AHDC1: variants seen among roughly 807,000 people sequenced by gnomAD.
The protein encoded by AHDC1 is AT-hook DNA binding motif containing 1, also known as transcription factor Gibbin.
A neutral mutation model predicts 87.9 loss-of-function variants in AHDC1; 7 were observed. The ratio of observed to expected loss-of-function variants is 0.08; its 90% CI spans 0.05 to 0.15. The LOEUF (loss-of-function observed/expected upper bound fraction) is 0.15. Among genes scored for constraint, AHDC1 ranks in the 10% least tolerant of loss-of-function variants. AHDC1 has a pLI of 1.00. For synonymous variants in AHDC1, 1,051 were observed against 1,006.8 expected (o/e 1.04, Z -0.83); for missense variants, 1,841 against 2,253.2 (o/e 0.82, Z 3.70).
chr1:27,575,822 G>A (rs2088713742), intron 3 of AHDC1, among the ~76,000 whole-genome samples: 2 of 151,408 alleles, frequency 1.3e-5, no homozygotes, highest in South Asian at 4.2e-4. Flanking sequence ...GGAGCGGCCC[G>A]GCCTCGGTGT....
chr1:27,549,111 T>A lies in AHDC1; in HGVS notation c.3005A>T (p.Tyr1002Phe), dbSNP rs914917557. ...CANSKDCSFA[Y>F]GSGNSLPASP... is the part of the protein sequence containing the mutation. ...GGCAGGGAGGCTGTTGCCACTGCCA[T>A]AGGCGAAGCTGCAGTCCTTGCTGTT... Residue 1002 changes from tyrosine to phenylalanine, a missense_variant, in exon 8 of 9, where the codon TAT becomes TTT. Around this residue, in one of 13 missense-constraint regions of AHDC1, gnomAD observed 378 missense variants for 399.0 expected, o/e 0.95. Coordinates refer to ENST00000673934, the MANE Select transcript of AHDC1 (RefSeq NM_001371928.1). 1 of 1,552,664 alleles carries A rather than the reference T, an allele frequency of 6.4e-7. No individual in the cohort carries two copies. The highest frequency in any genetic ancestry group is 8.7e-7 in the Non-Finnish European group (1 of 1,147,826).
At chr1:27,585,590 G>T (rs984452951) in intron 3 of AHDC1, among the ~76,000 whole-genome samples, 1 of 152,182 alleles carries the variant, frequency 6.6e-6, no homozygotes, top group Non-Finnish European at 1.5e-5. Context: ...CAAAGCCCCT[G>T]TTCCAAACAG....
chr1:27,587,591 T>C (rs1471110280), intron 3 of AHDC1, among the ~76,000 whole-genome samples: 1 of 152,144 alleles, frequency 6.6e-6, no homozygotes, highest in Non-Finnish European at 1.5e-5. Flanking sequence ...AGGTGAAGAC[T>C]CACTCTCTGC....
Position 27,547,665 on chromosome 1 carries a change from C to T in AHDC1, c.4451G>A (p.Gly1484Asp). 1 of 1,595,740 alleles carries T rather than the reference C, an allele frequency of 6.3e-7. No homozygotes were observed. The highest frequency in any genetic ancestry group is 8.5e-7 in the Non-Finnish European group (1 of 1,170,464). Residue 1484 changes from glycine to aspartate, a missense_variant, in exon 8 of 9, where the codon GGT becomes GAT. Physicochemically the swap from Gly to Asp is moderately conservative, Grantham distance 94. Transcript: ENST00000673934. This position sits in a 1 kb window ranked among gnomAD's most constrained non-coding sequence, Gnocchi z 4.9. ...ARSPPYEGKVGTGLLADFLGR... is the reference protein window; with the variant it reads ...ARSPPYEGKVDTGLLADFLGR... ...CAGGAAGTCAGCCAGCAGCCCTGTA[C>T]CCACCTTGCCTTCATAGGGCGGGCT...
intron 8 of AHDC1, among the ~76,000 whole-genome samples, chr1:27,537,153 T>G (rs910238189): frequency 2.0e-5 from 3 of 151,984 alleles, no homozygotes; most frequent in African/African-American, 7.3e-5. Context: ...GGTTCTCTCA[T>G]GGAGGTGGGG....
In AHDC1 at chr1:27,551,963, G is replaced by A; in HGVS notation, c.153C>T (p.Ala51=). The change falls in exon 8 of 9, where the codon GCC becomes GCT. Residue 51 remains alanine, a synonymous_variant. Transcript: ENST00000673934. ...TCTCGGAGAAGGCGTGGGTGGAGAA[G>A]GCCTTGTCAGGTGGGCTGGCAGGGG... is the stretch of plus-strand genomic sequence containing the variant. The part of the protein sequence containing the change: ...TRPPASPPDK[A]FSTHAFSENP... 1.3e-6 allele frequency: 2 copies of A among 1,515,638 alleles called. No homozygotes were observed. The highest frequency in any genetic ancestry group is 1.8e-6 in the Non-Finnish European group (2 of 1,129,312). The allele number at this position is 1,515,638 out of a possible 1,614,324, so 93.9% of individuals were successfully genotyped here.
rs559320877 is a variant in AHDC1, at chr1:27,579,956, G to C, written c.-628-21073C>G. ...TGGTTCTAGACAGTGCTGCCCGCCAGGATCTAAAACCAGAGCCTAACATTG... is the reference window on the plus strand; with the variant it reads ...TGGTTCTAGACAGTGCTGCCCGCCACGATCTAAAACCAGAGCCTAACATTG... On this transcript the variant is annotated intron_variant, in intron 3 of 8. Coordinates refer to ENST00000673934, the MANE Select transcript of AHDC1 (RefSeq NM_001371928.1). Among the ~76,000 whole-genome samples, 3 of 152,324 alleles carry C rather than the reference G, an allele frequency of 2.0e-5. No homozygotes were observed. The South Asian group carries it at 6.2e-4, about 32-fold the overall frequency.
At chr1:27,581,851 T>C (rs1371829441) in intron 3 of AHDC1, among the ~76,000 whole-genome samples, 1 of 152,204 alleles carries the variant, frequency 6.6e-6, no homozygotes, top group Admixed American at 6.5e-5. Flanking sequence ...CTGGCTGTTC[T>C]CTCTCATCTG....
chr1:27,597,472 G>C (rs781734084), intron 3 of AHDC1, among the ~76,000 whole-genome samples: 1 of 152,102 alleles, frequency 6.6e-6, no homozygotes, highest in South Asian at 2.1e-4. Context: ...GAATGTGAGG[G>C]GGTGTTTCCC....
In AHDC1 at chr1:27,590,026, T is replaced by TCTTGGGCCC. The variant is rs1553165380; in HGVS notation, c.-629+13370_-629+13371insGGGCCCAAG. Among the ~76,000 whole-genome samples, 4 of 152,110 alleles carry TCTTGGGCCC rather than the reference T, an allele frequency of 2.6e-5. No individual in the cohort carries two copies. Among genetic ancestry groups the TCTTGGGCCC allele is most frequent in the Non-Finnish European group, 5.9e-5 (4 of 67,998 alleles). On this transcript the variant is annotated intron_variant, in intron 3 of 8. Coordinates refer to ENST00000673934, the MANE Select transcript of AHDC1 (RefSeq NM_001371928.1). This position sits in a 1 kb window ranked among gnomAD's most constrained non-coding sequence, Gnocchi z 5.4. Reference sequence around the variant, plus strand: ...CATGTGACTGGGCCTTAGAGGCCTGTCCTGGGCCCCCTGCCCCACCCACTG... The same window carrying TCTTGGGCCC: ...CATGTGACTGGGCCTTAGAGGCCTGTCTTGGGCCCCCTGGGCCCCCTGCCCCACCCACTG...
chr1:27,564,662 C>T (rs960367095), intron 3 of AHDC1, among the ~76,000 whole-genome samples: 1 of 152,154 alleles, frequency 6.6e-6, no homozygotes, highest in Non-Finnish European at 1.5e-5. Flanking sequence ...TGGAGGGGGA[C>T]AGGGGAGATG....
rs1427364190 is a variant in AHDC1 at position 27,563,031 on chromosome 1, C to T, written c.-628-4148G>A. 6.6e-6 allele frequency among the ~76,000 whole-genome samples: 1 copy of T among 152,116 alleles called. No homozygotes were observed. The highest frequency in any genetic ancestry group is 1.5e-5 in the Non-Finnish European group (1 of 68,012). ...CAGCATGGGGCAGGCGTCTGTTACC[C>T]CTCACAGTGGCATAACTGACACGCA... On this transcript the variant is annotated intron_variant, in intron 3 of 8. Coordinates refer to ENST00000673934, the MANE Select transcript of AHDC1 (RefSeq NM_001371928.1). The surrounding 1 kb of genome is among the most constrained non-coding windows in gnomAD (Gnocchi z 6.1).
At chr1:27,537,904 T>C (rs982927405) in intron 8 of AHDC1, among the ~76,000 whole-genome samples, 12 of 152,166 alleles carry the variant, frequency 7.9e-5, no homozygotes, top group African/African-American at 2.9e-4. Context: ...GCAGAGCACA[T>C]ATAAATCAGG....
rs1469008633 is a variant in AHDC1 at position 27,598,704 on chromosome 1, G to A, written c.-629+4693C>T. 6.6e-6 allele frequency among the ~76,000 whole-genome samples: 1 copy of A among 152,184 alleles called. No homozygotes were observed. The highest frequency in any genetic ancestry group is 2.4e-5 in the African/African-American group (1 of 41,434). ...TGTCACCCCCACAACAGTGGAGGCT[G>A]GTTTTGGCCATGTAGTGACCCTGGC... On this transcript the variant is annotated intron_variant, in intron 3 of 8. Transcript: ENST00000673934. This position sits in a 1 kb window ranked among gnomAD's most constrained non-coding sequence, Gnocchi z 4.2.
intron 3 of AHDC1, among the ~76,000 whole-genome samples, chr1:27,587,662 C>T (rs2089099009): frequency 6.6e-6 from 1 of 152,170 alleles, no homozygotes; most frequent in Admixed American, 6.5e-5. Flanking sequence ...GTCTGGGCCC[C>T]AGCAGCTGGC....
intron 3 of AHDC1, among the ~76,000 whole-genome samples, chr1:27,600,683 T>A (rs1247426292): frequency 6.6e-6 from 1 of 152,096 alleles, no homozygotes; most frequent in Non-Finnish European, 1.5e-5. Flanking sequence ...CCTACCCAAA[T>A]GTCTTCTGCC....
intron 3 of AHDC1, among the ~76,000 whole-genome samples, chr1:27,601,841 C>T (rs1050959959): frequency 3.9e-5 from 6 of 152,168 alleles, no homozygotes; most frequent in African/African-American, 1.4e-4. Context: ...TGCCCAGGCC[C>T]GGGCACATGC....
chr1:27,563,180 A>T lies in AHDC1; in HGVS notation c.-628-4297T>A, dbSNP rs2020173422. 6.6e-6 allele frequency among the ~76,000 whole-genome samples: 1 copy of T among 151,020 alleles called. No homozygotes were observed. The highest frequency in any genetic ancestry group is 2.4e-5 in the African/African-American group (1 of 40,940). ...AAAGAACCTGTCACATAGTTGACCAAGACACACACACATGCACACACACAC... is the reference window on the plus strand; with the variant it reads ...AAAGAACCTGTCACATAGTTGACCATGACACACACACATGCACACACACAC... On this transcript the variant is annotated intron_variant, in intron 3 of 8. Transcript: ENST00000673934. This position sits in a 1 kb window ranked among gnomAD's most constrained non-coding sequence, Gnocchi z 6.1.
chr1:27,582,613 T>C (rs967669057), intron 3 of AHDC1, among the ~76,000 whole-genome samples: 1 of 152,260 alleles, frequency 6.6e-6, no homozygotes, highest in Admixed American at 6.5e-5. Context: ...CAGGGATTTG[T>C]GTCTGTTTTG....
Sources: gnomAD v4.1 joint callset for allele counts (sites outside exome capture counted in the v4.1 genomes callset) on GRCh38, gnomAD v4.1.1 for gene constraint, gnomAD v4.1.1 regional missense constraint, Gnocchi (gnomAD v3.1) non-coding constraint, MANE v1.5 for transcripts, NCBI Gene and HGNC (gene_info 2026-07-23, HGNC 2026-07-21) for gene names.